TNKS: variants seen among roughly 807,000 people sequenced by gnomAD.
TNKS encodes tankyrase.
TNKS carries 72 observed loss-of-function variants against 135.8 expected under a neutral mutation model. That is an observed-to-expected ratio of 0.53 (90% CI 0.44 to 0.64). The LOEUF (loss-of-function observed/expected upper bound fraction) is 0.64. TNKS is among the 30% of genes least tolerant of loss of function. The probability of loss-of-function intolerance (pLI) is 0.00; values close to 1 mark genes in which losing one functional copy is unlikely to be tolerated. For missense variants in TNKS, 1,769 were observed against 1,674.0 expected (o/e 1.06, Z -0.99); for synonymous variants, 849 against 649.3 (o/e 1.31, Z -4.68).
At chr8:9,747,961 C>T in intron 17 of TNKS, 63 bp from the exon 18 acceptor site, 1 of 1,463,950 alleles carries the variant, frequency 6.8e-7, no homozygotes, top group Non-Finnish European at 9.2e-7. Context: ...AACAGGTATA[C>T]ACAATGGTGC....
chr8:9,658,990 G>T (rs1021418149), intron 3 of TNKS, among the ~76,000 whole-genome samples: 1 of 152,152 alleles, frequency 6.6e-6, no homozygotes, highest in Non-Finnish European at 1.5e-5. Flanking sequence ...GACAAAGAAG[G>T]CCCTTACATA....
At chr8:9,693,210 C>A (rs1363435393) in intron 5 of TNKS, among the ~76,000 whole-genome samples, 1 of 152,078 alleles carries the variant, frequency 6.6e-6, no homozygotes, top group Non-Finnish European at 1.5e-5. Flanking sequence ...AATTATGGTA[C>A]AGCCACACAA....
At chr8:9,768,054 C>T (rs1480782409) in intron 25 of TNKS, among the ~76,000 whole-genome samples, 2 of 150,940 alleles carry the variant, frequency 1.3e-5, no homozygotes, top group Admixed American at 6.6e-5. Flanking sequence ...TTGCTTCAAA[C>T]CTAATTCCTC....
rs993056159 is a variant in TNKS, at chr8:9,780,615, A to G, written c.*3879A>G. ...TCTTCAGCAACTTGTGCACTCTGCCATTAATAAATTAAATTTTTCCCCTCT... is the reference window on the plus strand; with the variant it reads ...TCTTCAGCAACTTGTGCACTCTGCCGTTAATAAATTAAATTTTTCCCCTCT... On this transcript the variant is annotated 3_prime_UTR_variant, in exon 27 of 27. Transcript: ENST00000310430. 6.6e-6 allele frequency: 1 copy of G among 152,230 alleles called. No homozygotes were observed. The highest frequency in any genetic ancestry group is 2.4e-5 in the African/African-American group (1 of 41,462). The allele number at this position is 152,230 out of a possible 1,614,324, so 9.4% of individuals were successfully genotyped here. A position where few individuals can be genotyped will look rare whatever the true frequency, so the allele number is the denominator to read the frequency against.
At chr8:9,712,307 C>T (rs931195961) in intron 11 of TNKS, among the ~76,000 whole-genome samples, 8 of 152,098 alleles carry the variant, frequency 5.3e-5, no homozygotes, top group African/African-American at 1.9e-4. Flanking sequence ...CAGCAAGACA[C>T]TATCTCTACA....
At chr8:9,675,613 A>G (rs1157443385) in intron 3 of TNKS, among the ~76,000 whole-genome samples, 1 of 152,146 alleles carries the variant, frequency 6.6e-6, no homozygotes, top group Non-Finnish European at 1.5e-5. Flanking sequence ...TTTGATGAAC[A>G]TTTTTTGCTT....
intron 22 of TNKS, among the ~76,000 whole-genome samples, chr8:9,764,203 A>G (rs762655555): frequency 2.7e-4 from 41 of 152,110 alleles, no homozygotes; most frequent in Non-Finnish European, 5.3e-4. Flanking sequence ...TTTAATTTAG[A>G]GAGTAGTCAG....
intron 12 of TNKS, among the ~76,000 whole-genome samples, chr8:9,721,307 T>TATATATATATATATATATAA (rs1247083780): frequency 1.4e-5 from 2 of 144,504 alleles, no homozygotes; most frequent in Admixed American, 1.4e-4. Flanking sequence ...ATTATATATA[T>TATATATATATATATATATAA]ATATAAAATT....
At chr8:9,740,879 A>G (rs1805919722) in intron 17 of TNKS, 1 of 120,770 alleles carries the variant, frequency 8.3e-6, no homozygotes, top group Non-Finnish European at 1.6e-5. Context: ...GCGCTATCTC[A>G]GCTCACTGCA....
chr8:9,643,654 C>A (rs545590729), intron 3 of TNKS, among the ~76,000 whole-genome samples: 1 of 152,164 alleles, frequency 6.6e-6, no homozygotes, highest in African/African-American at 2.4e-5. Context: ...AAATTGGGCC[C>A]CTTGAGCACT....
intron 26 of TNKS, among the ~76,000 whole-genome samples, chr8:9,774,622 G>A (rs903270582): frequency 1.3e-5 from 2 of 152,084 alleles, no homozygotes; most frequent in Admixed American, 6.5e-5. Flanking sequence ...TAATCCCTCT[G>A]GACTGTAATT....
chr8:9,684,348 T>C (rs1802900482), intron 5 of TNKS, among the ~76,000 whole-genome samples: 1 of 152,098 alleles, frequency 6.6e-6, no homozygotes, highest in Admixed American at 6.5e-5. Context: ...TTCTCTTGTT[T>C]TCCAGTGTTA....
intron 1 of TNKS, among the ~76,000 whole-genome samples, chr8:9,560,298 G>C (rs2129049119): frequency 6.6e-6 from 1 of 151,934 alleles, no homozygotes; most frequent in Middle Eastern, 3.4e-3. Context: ...AAGAAATCTT[G>C]AAATGGGCTT....
At chr8:9,592,126 G>A (rs1252160583) in intron 2 of TNKS, among the ~76,000 whole-genome samples, 1 of 152,166 alleles carries the variant, frequency 6.6e-6, no homozygotes, top group Non-Finnish European at 1.5e-5. Flanking sequence ...TTTCTGAGAT[G>A]ACATTGTTTG....
intron 2 of TNKS, among the ~76,000 whole-genome samples, chr8:9,613,052 G>C (rs1799519651): frequency 2.6e-5 from 4 of 151,916 alleles, no homozygotes; most frequent in Admixed American, 2.0e-4. Flanking sequence ...CTGTCTCAGG[G>C]GTGGCAGAGA....
intron 3 of TNKS, among the ~76,000 whole-genome samples, chr8:9,645,972 A>C (rs1472376278): frequency 6.6e-6 from 1 of 152,132 alleles, no homozygotes; most frequent in Non-Finnish European, 1.5e-5. Flanking sequence ...CTATTTCTCC[A>C]TTGCCCTACC....
chr8:9,654,775 G>C (rs369397755), intron 3 of TNKS, among the ~76,000 whole-genome samples: 1 of 152,202 alleles, frequency 6.6e-6, no homozygotes, highest in Non-Finnish European at 1.5e-5. Context: ...GTGGAGCCAA[G>C]ATGGCCGAAT....
chr8:9,695,993 T>G (rs558775653), intron 5 of TNKS, among the ~76,000 whole-genome samples: 2 of 152,324 alleles, frequency 1.3e-5, no homozygotes, highest in South Asian at 2.1e-4. Context: ...ATATATCATG[T>G]AGTGATGTCA....
intron 1 of TNKS, among the ~76,000 whole-genome samples, chr8:9,570,903 A>G (rs1267848099): frequency 6.6e-6 from 1 of 152,146 alleles, no homozygotes; most frequent in Non-Finnish European, 1.5e-5. Flanking sequence ...CTGGAAGTCA[A>G]GTTTGCAGTG....
Sources: allele counts gnomAD v4.1 joint callset (sites outside exome capture counted in the v4.1 genomes callset), GRCh38; gene constraint gnomAD v4.1.1; transcripts MANE v1.5; gene names NCBI Gene and HGNC (gene_info 2026-07-23, HGNC 2026-07-21).